Variants in MAP3K4 observed in about 807,000 individuals in gnomAD.
The protein encoded by MAP3K4 is MAP three kinase 1.
A neutral mutation model predicts 185.6 loss-of-function variants in MAP3K4; 67 were observed. That is an observed-to-expected ratio of 0.36 (90% CI 0.30 to 0.44). The LOEUF (loss-of-function observed/expected upper bound fraction) is 0.44. Ranked by LOEUF, MAP3K4 falls within the 20% of genes least tolerant of loss-of-function variation. The probability of loss-of-function intolerance (pLI) is 1.00; values close to 1 mark genes in which losing one functional copy is unlikely to be tolerated. For synonymous variants in MAP3K4, 702 were observed against 710.4 expected (o/e 0.99, Z 0.19); for missense variants, 1,551 against 1,995.1 (o/e 0.78, Z 4.24).
At chr6:161,045,823 A>T (rs1783706175) in intron 2 of MAP3K4, among the ~76,000 whole-genome samples, 1 of 152,210 alleles carries the variant, frequency 6.6e-6, no homozygotes, top group South Asian at 2.1e-4. Flanking sequence ...TGAGCCAACA[A>T]GATTGTTTTT....
rs1339257054 is a variant in MAP3K4, at chr6:161,084,300, G to A, written c.2256-201G>A. 6.6e-6 allele frequency among the ~76,000 whole-genome samples: 1 copy of A among 152,190 alleles called. No homozygotes were observed. Among genetic ancestry groups the A allele is most frequent in the Non-Finnish European group, 1.5e-5 (1 of 68,032 alleles). On this transcript the variant is annotated intron_variant, in intron 6 of 26. Coordinates refer to ENST00000392142, the MANE Select transcript of MAP3K4 (RefSeq NM_005922.4). This position sits in a 1 kb window ranked among gnomAD's most constrained non-coding sequence, Gnocchi z 4.6. ...TTTATATTGAGATACTGTGGTAGTAGAACAAAGGTAGGTACATGTCATAAT... is the reference window on the plus strand; with the variant it reads ...TTTATATTGAGATACTGTGGTAGTAAAACAAAGGTAGGTACATGTCATAAT...
chr6:161,033,688 T>C (rs1386471071), intron 1 of MAP3K4, among the ~76,000 whole-genome samples: 3 of 152,196 alleles, frequency 2.0e-5, no homozygotes, highest in African/African-American at 7.2e-5. Flanking sequence ...CACTGTAATT[T>C]TTATCAGACA....
At chr6:161,072,110 G>T (rs1302382423) in intron 4 of MAP3K4, among the ~76,000 whole-genome samples, 1 of 152,190 alleles carries the variant, frequency 6.6e-6, no homozygotes, top group Non-Finnish European at 1.5e-5. Context: ...GCACCTAAGT[G>T]ACATCTTTAA....
chr6:161,000,405 G>A (rs1005533499), intron 1 of MAP3K4, among the ~76,000 whole-genome samples: 1 of 152,028 alleles, frequency 6.6e-6, no homozygotes, highest in Non-Finnish European at 1.5e-5. Flanking sequence ...GAAGAAGCTC[G>A]GCAATACTTA....
At chr6:161,062,037 C>G (rs1469831535) in intron 3 of MAP3K4, among the ~76,000 whole-genome samples, 1 of 151,866 alleles carries the variant, frequency 6.6e-6, no homozygotes, top group Admixed American at 6.6e-5. Context: ...TTTAGTGTAA[C>G]CTTTTTGGAA....
At position 161,096,984 on chromosome 6, in the gene MAP3K4, A is replaced by G. The variant is rs922932616; in HGVS notation, c.3428-96A>G. ...TGGACTTACCTTGGTCATTGGCCAG[A>G]ATAAGTGACATTCTATTTTCCATTT... is the stretch of plus-strand genomic sequence containing the variant. On this transcript the variant is annotated intron_variant, in intron 15 of 26. Coordinates refer to ENST00000392142, the MANE Select transcript of MAP3K4 (RefSeq NM_005922.4). This position sits in a 1 kb window ranked among gnomAD's most constrained non-coding sequence, Gnocchi z 4.9. 3.9e-5 allele frequency: 38 copies of G among 962,296 alleles called. No homozygotes were observed. In the Middle Eastern group the frequency reaches 8.4e-4, roughly 21 times the overall value. 59.6% of individuals were successfully genotyped at this position (962,296 alleles called of 1,614,324 possible).
In MAP3K4 at chr6:161,110,845, G is replaced by A. The variant is rs141301545; in HGVS notation, c.4396+931G>A. ...GGTCATCCTGATGTTGGCTTAACTG[G>A]CTCTGTACCAGGCCGTAGCACTGCC... On this transcript the variant is annotated intron_variant, in intron 23 of 26. Coordinates refer to ENST00000392142, the MANE Select transcript of MAP3K4 (RefSeq NM_005922.4). This position sits in a 1 kb window ranked among gnomAD's most constrained non-coding sequence, Gnocchi z 4.8. Among the ~76,000 whole-genome samples, 1 of 152,262 alleles carries A rather than the reference G, an allele frequency of 6.6e-6. No individual in the cohort carries two copies. The highest frequency in any genetic ancestry group is 1.5e-5 in the Non-Finnish European group (1 of 68,024).
In MAP3K4 at chr6:161,001,912, G is replaced by A. The variant is rs933531511; in HGVS notation, c.152+9829G>A. Among the ~76,000 whole-genome samples the A allele has an allele frequency of 6.6e-5, 10 of 152,156 alleles. 1 individual carries two copies. The East Asian group carries it at 1.2e-3, about 18-fold the overall frequency. On this transcript the variant is annotated intron_variant, in intron 1 of 26. Coordinates refer to ENST00000392142, the MANE Select transcript of MAP3K4 (RefSeq NM_005922.4). ...TCTTTTTGGGCTTAAGGTAAAAGAG[G>A]CAAATCCTATAGTGATTTTCTTAAA... is the stretch of plus-strand genomic sequence containing the variant.
Position 161,086,254 on chromosome 6 carries a change from A to T in MAP3K4, c.2373-125A>T. 3 of 548,974 alleles carry T rather than the reference A, an allele frequency of 5.5e-6. No individual in the cohort carries two copies. The highest frequency in any genetic ancestry group is 9.6e-6 in the Non-Finnish European group (3 of 311,754). The allele number at this position is 548,974 out of a possible 1,614,324, so 34.0% of individuals were successfully genotyped here. A position where few individuals can be genotyped will look rare whatever the true frequency, so the allele number is the denominator to read the frequency against. ...CTTCAATAATAGTTTGTTCCCATTT[A>T]AAAAATCCTCAGTCTTTATTTATTA... On this transcript the variant is annotated intron_variant, in intron 7 of 26. Coordinates refer to ENST00000392142, the MANE Select transcript of MAP3K4 (RefSeq NM_005922.4). The surrounding 1 kb of genome is among the most constrained non-coding windows in gnomAD (Gnocchi z 4.8).
chr6:161,020,928 T>C (rs1466462907), intron 1 of MAP3K4, among the ~76,000 whole-genome samples: 1 of 152,224 alleles, frequency 6.6e-6, no homozygotes, highest in African/African-American at 2.4e-5. Context: ...AAATTCCACA[T>C]TGACCTTATG....
At chr6:161,104,165 A>G (rs1009841256) in intron 19 of MAP3K4, among the ~76,000 whole-genome samples, 5 of 152,210 alleles carry the variant, frequency 3.3e-5, no homozygotes, top group African/African-American at 1.2e-4. Context: ...CTGTAATCCC[A>G]GCACTTTGGA....
intron 2 of MAP3K4, among the ~76,000 whole-genome samples, chr6:161,041,805 C>T (rs9456613): frequency 0.027 from 4,038 of 152,034 alleles, 118 homozygotes; most frequent in African/African-American, 0.071. Flanking sequence ...GGTATCTCCA[C>T]TTCAGGTGTG....
At chr6:161,062,699 G>A (rs1355810747) in intron 3 of MAP3K4, among the ~76,000 whole-genome samples, 1 of 152,176 alleles carries the variant, frequency 6.6e-6, no homozygotes, top group Non-Finnish European at 1.5e-5. Flanking sequence ...AAGCATTGAT[G>A]TTGAATGGTC....
chr6:160,998,420 A>G (rs750903380), intron 1 of MAP3K4, among the ~76,000 whole-genome samples: 12 of 152,254 alleles, frequency 7.9e-5, no homozygotes, highest in Non-Finnish European at 1.6e-4. Flanking sequence ...CAGAGAGCCT[A>G]AATTCTTAAC....
In MAP3K4 at chr6:161,073,599, A is replaced by G. The variant is rs1204227696; in HGVS notation, c.2084A>G (p.His695Arg). The change falls in exon 5 of 27, where the codon CAT becomes CGT. Residue 695 changes from histidine (H) to arginine (R), a missense_variant. His to Arg is a conservative substitution (Grantham distance 29). This residue lies in a region of MAP3K4 where 130 missense variants were observed against 171.3 expected (regional missense o/e 0.76). Transcript: ENST00000392142. The surrounding 1 kb of genome is among the most constrained non-coding windows in gnomAD (Gnocchi z 4.2). ...CNIDAFEEDL[H>R]KMLMVYFDYM... ...ATTGACGCTTTTGAAGAGGATCTAC[A>G]TAAAATGCTTATGGTCAGAAGCAGT... 3 of 1,612,778 alleles carry G rather than the reference A, an allele frequency of 1.9e-6. No individual in the cohort carries two copies. The highest frequency in any genetic ancestry group is 4.5e-5 in the East Asian group (2 of 44,864).
At chr6:161,047,568 G>A (rs1783792498) in intron 2 of MAP3K4, among the ~76,000 whole-genome samples, 2 of 152,128 alleles carry the variant, frequency 1.3e-5, no homozygotes, top group South Asian at 4.1e-4. Context: ...GGTAGATTGA[G>A]ATGGCGTTAT....
At position 161,086,739 on chromosome 6, in the gene MAP3K4, C is replaced by G. The variant is rs1456706682; in HGVS notation, c.2556+72C>G. 3.3e-6 allele frequency: 4 copies of G among 1,226,140 alleles called. No individual in the cohort carries two copies. The highest frequency in any genetic ancestry group is 3.5e-6 in the Non-Finnish European group (3 of 850,910). 76.0% of individuals were successfully genotyped at this position (1,226,140 alleles called of 1,614,324 possible). The stretch of plus-strand genomic sequence containing the variant: ...TTATTCTAAAACAGGCAGACTTTTT[C>G]TTGAAGGTCCAGATAGTAAATATTA... On this transcript the variant is annotated intron_variant, in intron 9 of 26. Coordinates refer to ENST00000392142, the MANE Select transcript of MAP3K4 (RefSeq NM_005922.4). The surrounding 1 kb of genome is among the most constrained non-coding windows in gnomAD (Gnocchi z 4.8).
intron 3 of MAP3K4, among the ~76,000 whole-genome samples, chr6:161,065,631 T>C (rs1014128450): frequency 3.3e-5 from 5 of 152,236 alleles, no homozygotes; most frequent in Non-Finnish European, 1.5e-5. Context: ...AGACTTCAGC[T>C]TTCTTCGGAT....
rs9456619 is a variant in MAP3K4 at position 161,054,402 on chromosome 6, G to A, written c.1707+4423G>A. ...ACTCCTGACCTCACATGATCCACCC[G>A]CCTTGGCCTCCCAAAGTGCTGGGAT... On this transcript the variant is annotated intron_variant, in intron 3 of 26. Coordinates refer to ENST00000392142, the MANE Select transcript of MAP3K4 (RefSeq NM_005922.4). This position sits in a 1 kb window ranked among gnomAD's most constrained non-coding sequence, Gnocchi z 4.2. Among the ~76,000 whole-genome samples the A allele has an allele frequency of 0.039, 5,888 of 152,150 alleles. 281 individuals are homozygous for A. The highest frequency in any genetic ancestry group is 0.11 in the African/African-American group (4,726 of 41,508).
Sources: gnomAD v4.1 joint callset for allele counts (sites outside exome capture counted in the v4.1 genomes callset) on GRCh38, gnomAD v4.1.1 for gene constraint, gnomAD v4.1.1 regional missense constraint, Gnocchi (gnomAD v3.1) non-coding constraint, MANE v1.5 for transcripts, NCBI Gene and HGNC (gene_info 2026-07-23, HGNC 2026-07-21) for gene names.